Variants in DPYSL5 observed in about 807,000 individuals in gnomAD.
DPYSL5 encodes the protein dihydropyrimidinase-related protein 5.
A neutral mutation model predicts 58.4 loss-of-function variants in DPYSL5; 9 were observed. That is an observed-to-expected ratio of 0.15 (90% CI 0.09 to 0.27). The LOEUF is 0.27. DPYSL5 is among the 10% of genes least tolerant of loss of function. The pLI is 1.00. For missense variants in DPYSL5, 499 were observed against 770.6 expected (o/e 0.65, Z 4.17); for synonymous variants, 293 against 301.9 (o/e 0.97, Z 0.31).
At position 26,849,381 on chromosome 2, in the gene DPYSL5, C is replaced by T. The variant is rs1363157088; in HGVS notation, c.-5+1127C>T. Among the ~76,000 whole-genome samples the T allele has an allele frequency of 6.6e-6, 1 of 151,916 alleles. No individual in the cohort carries two copies. On this transcript the variant is annotated intron_variant, in intron 1 of 12. Transcript: ENST00000288699. This position sits in a 1 kb window ranked among gnomAD's most constrained non-coding sequence, Gnocchi z 6.2. ...CAAGCAGCTGAGAGGCGGTCTCGGG[C>T]CCGAGGATCCTCAGCTCCAGGCGCG...
Position 26,924,821 on chromosome 2 carries a change from C to A in DPYSL5, c.262-66C>A. On this transcript the variant is annotated intron_variant, in intron 2 of 12. Transcript: ENST00000288699. The surrounding 1 kb of genome is among the most constrained non-coding windows in gnomAD (Gnocchi z 4.7). ...TTTGAATGGACCATGAGGACCATGT[C>A]TCACCACATCATTGACTCGGGGGCA... 3.2e-6 allele frequency: 5 copies of A among 1,564,032 alleles called. No homozygotes were observed. The highest frequency in any genetic ancestry group is 4.3e-6 in the Non-Finnish European group (5 of 1,153,842).
intron 1 of DPYSL5, among the ~76,000 whole-genome samples, chr2:26,856,563 G>C (rs575925114): frequency 1.1e-3 from 171 of 152,222 alleles, no homozygotes; most frequent in African/African-American, 3.9e-3. Flanking sequence ...ATAGTTTCCG[G>C]TTTGGGGCTT....
intron 2 of DPYSL5, among the ~76,000 whole-genome samples, chr2:26,913,241 A>G (rs1272540139): frequency 6.6e-6 from 1 of 152,124 alleles, no homozygotes; most frequent in African/African-American, 2.4e-5. Flanking sequence ...AATGAATAAG[A>G]AGTTCCCATT....
intron 1 of DPYSL5, among the ~76,000 whole-genome samples, chr2:26,893,757 G>A (rs183389777): frequency 2.0e-4 from 31 of 152,242 alleles, no homozygotes; most frequent in African/African-American, 5.5e-4. Flanking sequence ...ATCTAGTGCC[G>A]TGAAGGCAAT....
intron 9 of DPYSL5, among the ~76,000 whole-genome samples, chr2:26,941,399 G>A (rs529747585): frequency 1.3e-5 from 2 of 152,266 alleles, no homozygotes; most frequent in Admixed American, 6.5e-5. Flanking sequence ...CACCTGTTCC[G>A]CACATGAAGA....
rs778466646 is a variant in DPYSL5 at position 26,942,609 on chromosome 2, C to T, written c.1299C>T (p.His433=). 3.1e-6 allele frequency: 5 copies of T among 1,614,070 alleles called. No individual in the cohort carries two copies. The highest frequency in any genetic ancestry group is 2.7e-5 in the African/African-American group (2 of 74,946). The change falls in exon 11 of 13, where the codon CAC becomes CAT. Residue 433 remains histidine (H), a synonymous_variant. Transcript: ENST00000288699. The surrounding 1 kb of genome is among the most constrained non-coding windows in gnomAD (Gnocchi z 5.9). ...DFNLYENMRC[H]GVPLVTISRG... is the part of the protein sequence containing the mutation. ...ACCTGTATGAGAACATGCGCTGCCA[C>T]GGCGTGCCACTGGTCACCATCAGCC...
intron 1 of DPYSL5, among the ~76,000 whole-genome samples, chr2:26,889,930 A>G (rs1250685765): frequency 6.6e-6 from 1 of 152,184 alleles, no homozygotes; most frequent in African/African-American, 2.4e-5. Flanking sequence ...ATAAGGTGCT[A>G]ATGAGGTTAC....
At chr2:26,914,051 G>A (rs1486697295) in intron 2 of DPYSL5, among the ~76,000 whole-genome samples, 1 of 152,140 alleles carries the variant, frequency 6.6e-6, no homozygotes, top group Non-Finnish European at 1.5e-5. Flanking sequence ...GCCAGGGAGG[G>A]ATCGCCCAGG....
intron 12 of DPYSL5, among the ~76,000 whole-genome samples, chr2:26,945,355 A>G (rs1253181460): frequency 2.0e-5 from 3 of 147,810 alleles, no homozygotes; most frequent in Non-Finnish European, 4.5e-5. Context: ...ATTAACTTTA[A>G]GTAAAATATT....
chr2:26,893,482 G>A (rs983160413), intron 1 of DPYSL5, among the ~76,000 whole-genome samples: 6 of 152,204 alleles, frequency 3.9e-5, no homozygotes, highest in Non-Finnish European at 5.9e-5. Flanking sequence ...TCTATTCACC[G>A]TAATTAGCTG....
intron 1 of DPYSL5, among the ~76,000 whole-genome samples, chr2:26,890,164 G>A (rs1663838233): frequency 6.6e-6 from 1 of 152,146 alleles, no homozygotes; most frequent in South Asian, 2.1e-4. Context: ...TATCTGTCAA[G>A]TTCACTGTTA....
At chr2:26,866,469 A>AACAC (rs57210677) in intron 1 of DPYSL5, among the ~76,000 whole-genome samples, 2,057 of 148,618 alleles carry the variant, frequency 0.014, 25 homozygotes, top group African/African-American at 0.039. Flanking sequence ...TCATTATGCA[A>AACAC]ACACACACAC....
intron 1 of DPYSL5, among the ~76,000 whole-genome samples, chr2:26,850,317 G>T (rs181459000): frequency 6.1e-4 from 93 of 152,306 alleles, no homozygotes; most frequent in African/African-American, 2.2e-3. Flanking sequence ...TGGGAAAGCA[G>T]ATGAACCGAA....
At chr2:26,931,203 G>GTGTGTGTATGTATATA (rs1474347605) in intron 5 of DPYSL5, among the ~76,000 whole-genome samples, 4 of 44,934 alleles carry the variant, frequency 8.9e-5, no homozygotes, top group African/African-American at 3.2e-4. Flanking sequence ...GTGTGTGTGT[G>GTGTGTGTATGTATATA]TATATATATA....
chr2:26,875,785 A>T (rs1031831774), intron 1 of DPYSL5, among the ~76,000 whole-genome samples: 1 of 152,134 alleles, frequency 6.6e-6, no homozygotes, highest in African/African-American at 2.4e-5. Flanking sequence ...GATAAATTGT[A>T]TGTCCTTATA....
At chr2:26,938,896 A>T (rs1247809050) in intron 8 of DPYSL5, 2 of 144,368 alleles carry the variant, frequency 1.4e-5, no homozygotes, top group Admixed American at 1.4e-4. Flanking sequence ...CCGCAAAGCC[A>T]TTTCCTCTTG....
chr2:26,901,536 C>T (rs1664154359), intron 2 of DPYSL5, among the ~76,000 whole-genome samples: 1 of 152,134 alleles, frequency 6.6e-6, no homozygotes, highest in African/African-American at 2.4e-5. Context: ...ATTATTCACA[C>T]CGCCTGTGGC....
chr2:26,910,801 T>A (rs1483625098), intron 2 of DPYSL5, among the ~76,000 whole-genome samples: 1 of 151,904 alleles, frequency 6.6e-6, no homozygotes, highest in Non-Finnish European at 1.5e-5. Flanking sequence ...ATTAGATATA[T>A]GTTTTGCAAA....
chr2:26,907,644 A>C (rs1664329396), intron 2 of DPYSL5, among the ~76,000 whole-genome samples: 1 of 151,976 alleles, frequency 6.6e-6, no homozygotes. Flanking sequence ...CCCTCCATGG[A>C]CACCCCATGC....
Sources: allele counts gnomAD v4.1 joint callset (sites outside exome capture counted in the v4.1 genomes callset), GRCh38; gene constraint gnomAD v4.1.1; non-coding constraint Gnocchi (gnomAD v3.1); transcripts MANE v1.5; gene names NCBI Gene and HGNC (gene_info 2026-07-23, HGNC 2026-07-21).